The following AKR1C8 variants were observed in gnomAD, a reference collection of about 807,000 sequenced individuals.
The protein encoded by AKR1C8 is aldo-keto reductase family 1 member C-like protein 1.
chr10:5,122,035 T>C, the AKR1C8 span: 1 of 258,294 alleles, frequency 3.9e-6, no homozygotes, highest in Non-Finnish European at 8.0e-6. Flanking sequence ...GTCCCTCTGT[T>C]TTTGTGCATC....
the AKR1C8 span, chr10:5,123,732 C>T: frequency 6.8e-6 from 11 of 1,612,718 alleles, no homozygotes; most frequent in South Asian, 7.7e-5. Flanking sequence ...TCGTTGGGTT[C>T]CCAGAGCACT....
chr10:5,138,282 C>G, the AKR1C8 span, among the ~76,000 whole-genome samples: 1 of 151,962 alleles, frequency 6.6e-6, no homozygotes, highest in Non-Finnish European at 1.5e-5. Flanking sequence ...TAGACCTCAC[C>G]CCAGTAATGC....
chr10:5,116,499 T>TAC, the AKR1C8 span, among the ~76,000 whole-genome samples: 1 of 152,152 alleles, frequency 6.6e-6, no homozygotes, highest in Admixed American at 6.5e-5. Context: ...AGAGTACTAA[T>TAC]ACATTGGATG....
chr10:5,132,888 T>C, the AKR1C8 span: 103 of 381,020 alleles, frequency 2.7e-4, no homozygotes, highest in African/African-American at 1.9e-3. Flanking sequence ...GTTCTATATA[T>C]GGGGTGATAA....
chr10:5,154,865 G>A, the AKR1C8 span: 1 of 152,196 alleles, frequency 6.6e-6, no homozygotes, highest in African/African-American at 2.4e-5. Context: ...ATAAACCAAA[G>A]TCAAGGGATG....
chr10:5,119,673 G>T, the AKR1C8 span, among the ~76,000 whole-genome samples: 1 of 152,102 alleles, frequency 6.6e-6, no homozygotes, highest in Non-Finnish European at 1.5e-5. Context: ...TATAGACTCT[G>T]CTTTCTAATC....
the AKR1C8 span, among the ~76,000 whole-genome samples, chr10:5,128,551 C>T: frequency 1.3e-5 from 2 of 151,980 alleles, no homozygotes; most frequent in Non-Finnish European, 2.9e-5. Flanking sequence ...TCACCTAACA[C>T]ATAAAGATTT....
At chr10:5,157,636 T>C in the AKR1C8 span, 1 of 471,522 alleles carries the variant, frequency 2.1e-6, no homozygotes, top group African/African-American at 2.0e-5. Context: ...AACCTTTACC[T>C]GGAAGTTCTC....
chr10:5,132,569 C>G, the AKR1C8 span: 1 of 1,478,124 alleles, frequency 6.8e-7, no homozygotes, highest in Non-Finnish European at 9.1e-7. Context: ...ACATTAAATA[C>G]ATGTGCATGC....
chr10:5,159,000 T>C, the AKR1C8 span, among the ~76,000 whole-genome samples: 1 of 152,136 alleles, frequency 6.6e-6, no homozygotes, highest in African/African-American at 2.4e-5. Flanking sequence ...CCAAGATTCC[T>C]TAGAGGAAGG....
the AKR1C8 span, among the ~76,000 whole-genome samples, chr10:5,153,240 AAATG>A: frequency 2.7e-5 from 4 of 146,256 alleles, no homozygotes; most frequent in East Asian, 5.8e-4. Context: ...TTTGCTTAAT[AAATG>A]AATGAATGGA....
chr10:5,164,911 T>C, the AKR1C8 span, among the ~76,000 whole-genome samples: 1 of 152,196 alleles, frequency 6.6e-6, no homozygotes, highest in Non-Finnish European at 1.5e-5. Context: ...TCTCTTTTCA[T>C]GGCTATCATG....
the AKR1C8 span, among the ~76,000 whole-genome samples, chr10:5,134,340 G>C: frequency 6.6e-6 from 1 of 152,142 alleles, no homozygotes; most frequent in African/African-American, 2.4e-5. Context: ...ATGTACAGTT[G>C]AGAAAAGTGA....
the AKR1C8 span, among the ~76,000 whole-genome samples, chr10:5,150,370 C>A: frequency 6.6e-6 from 1 of 151,852 alleles, no homozygotes; most frequent in Admixed American, 6.6e-5. Context: ...TTATGCCATA[C>A]ACCAATTTAA....
the AKR1C8 span, among the ~76,000 whole-genome samples, chr10:5,168,841 G>C: frequency 2.0e-5 from 3 of 152,084 alleles, no homozygotes; most frequent in African/African-American, 7.2e-5. Context: ...GTGTGAAAAA[G>C]AAAGCACTTT....
chr10:5,180,242 C>T, the AKR1C8 span, among the ~76,000 whole-genome samples: 1 of 152,208 alleles, frequency 6.6e-6, no homozygotes, highest in African/African-American at 2.4e-5. Context: ...AGGTCCACTC[C>T]AGACCCTGTT....
chr10:5,178,307 T>C, the AKR1C8 span, among the ~76,000 whole-genome samples: 2 of 152,212 alleles, frequency 1.3e-5, no homozygotes, highest in Non-Finnish European at 2.9e-5. Flanking sequence ...AGTTTCTTAA[T>C]CCTGAGTTCT....
At chr10:5,133,289 G>T in the AKR1C8 span, among the ~76,000 whole-genome samples, 30,344 of 151,884 alleles carry the variant, frequency 0.2, 3,886 homozygotes, top group East Asian at 0.63. Flanking sequence ...GTAGGTACGG[G>T]GTTTCGCTAT....
chr10:5,175,618 C>T, the AKR1C8 span, among the ~76,000 whole-genome samples: 1 of 152,180 alleles, frequency 6.6e-6, no homozygotes, highest in Non-Finnish European at 1.5e-5. Context: ...ACTATTTCTC[C>T]ACATCCTCTC....
Sources: allele counts gnomAD v4.1 joint callset (sites outside exome capture counted in the v4.1 genomes callset), GRCh38; gene constraint gnomAD v4.1.1; transcripts MANE v1.5; gene names NCBI Gene and HGNC (gene_info 2026-07-23, HGNC 2026-07-21).